Variants in MAML3 observed in about 807,000 individuals in gnomAD.
MAML3 encodes mastermind like transcriptional coactivator 3, also known as mastermind-like protein 3.
A neutral mutation model predicts 101.9 loss-of-function variants in MAML3; 27 were observed. The ratio of observed to expected loss-of-function variants is 0.27; its 90% CI spans 0.20 to 0.37. MAML3 has a LOEUF of 0.37. Among genes scored for constraint, MAML3 ranks in the 10% least tolerant of loss-of-function variants. The pLI, the probability that MAML3 is intolerant of heterozygous loss-of-function variation, is 1.00. For missense variants in MAML3, 1,316 were observed against 1,444.9 expected (o/e 0.91, Z 1.45); for synonymous variants, 501 against 555.9 (o/e 0.90, Z 1.39).
intron 1 of MAML3, among the ~76,000 whole-genome samples, chr4:139,948,196 CTA>C (rs1328888361): frequency 2.6e-5 from 4 of 152,068 alleles, no homozygotes; most frequent in African/African-American, 7.2e-5. Context: ...AAACAAAAGT[CTA>C]TGTGGAAAAA....
intron 2 of MAML3, among the ~76,000 whole-genome samples, chr4:139,750,990 C>T (rs891701076): frequency 6.6e-6 from 1 of 152,166 alleles, no homozygotes; most frequent in Non-Finnish European, 1.5e-5. Context: ...CAAGCTGCCT[C>T]CTGTGATTCA....
At chr4:139,797,576 C>T (rs768605780) in intron 2 of MAML3, among the ~76,000 whole-genome samples, 3 of 152,212 alleles carry the variant, frequency 2.0e-5, no homozygotes, top group East Asian at 1.9e-4. Flanking sequence ...GCCAGGGCAT[C>T]GCTGGCTGGC....
intron 2 of MAML3, among the ~76,000 whole-genome samples, chr4:139,752,905 CA>C (rs529153786): frequency 5.1e-4 from 77 of 152,240 alleles, no homozygotes; most frequent in East Asian, 1.9e-3. Flanking sequence ...GAAGAGCTAA[CA>C]GGGGGAAAGA....
chr4:139,734,195 T>G (rs1336519950), intron 2 of MAML3, among the ~76,000 whole-genome samples: 2 of 152,172 alleles, frequency 1.3e-5, no homozygotes, highest in Non-Finnish European at 2.9e-5. Flanking sequence ...TCTTTTAACC[T>G]CCAGTCTCAG....
chr4:139,927,306 T>C (rs997324776), intron 1 of MAML3, among the ~76,000 whole-genome samples: 5 of 152,196 alleles, frequency 3.3e-5, no homozygotes, highest in African/African-American at 1.2e-4. Flanking sequence ...GTACATCATA[T>C]AAAGGGGTTC....
intron 1 of MAML3, among the ~76,000 whole-genome samples, chr4:140,103,400 T>A (rs886946967): frequency 5.3e-5 from 8 of 152,168 alleles, no homozygotes; most frequent in East Asian, 1.9e-4. Context: ...AAAAGAACAA[T>A]AATTTAAAGT....
intron 2 of MAML3, among the ~76,000 whole-genome samples, chr4:139,834,074 T>G (rs891944794): frequency 2.6e-5 from 4 of 152,202 alleles, no homozygotes; most frequent in Non-Finnish European, 4.4e-5. Flanking sequence ...AAATCACTTA[T>G]GTAACTTTGT....
chr4:139,869,341 G>T (rs1731959083), intron 2 of MAML3, among the ~76,000 whole-genome samples: 1 of 150,260 alleles, frequency 6.7e-6, no homozygotes, highest in Non-Finnish European at 1.5e-5. Flanking sequence ...TGTTCTCAAG[G>T]ACCCAAGGAA....
chr4:139,863,045 G>C (rs1432303603), intron 2 of MAML3, among the ~76,000 whole-genome samples: 1 of 151,684 alleles, frequency 6.6e-6, no homozygotes, highest in Non-Finnish European at 1.5e-5. Flanking sequence ...AGCTACTCAG[G>C]AGGCTGAGGC....
rs1728922152 is a variant in MAML3 at position 139,735,887 on chromosome 4, G to A, written c.2080-5220C>T. The stretch of plus-strand genomic sequence containing the variant: ...CGGCGGCGCTCGGGAGACCCGCGAG[G>A]GGCCCTGGAGGTCCTCGGCCCGCGC... On this transcript the variant is annotated intron_variant, in intron 2 of 4. Transcript: ENST00000509479. The surrounding 1 kb of genome is among the most constrained non-coding windows in gnomAD (Gnocchi z 5.8). 1.3e-5 allele frequency among the ~76,000 whole-genome samples: 2 copies of A among 151,950 alleles called. No homozygotes were observed. Among genetic ancestry groups the A allele is most frequent in the Admixed American group, 1.3e-4 (2 of 15,262 alleles).
chr4:140,131,549 C>G (rs1245166636), intron 1 of MAML3, among the ~76,000 whole-genome samples: 2 of 152,216 alleles, frequency 1.3e-5, no homozygotes, highest in Non-Finnish European at 2.9e-5. Context: ...TACAAGCTAT[C>G]TCTAAGAAAA....
At chr4:139,901,113 T>C (rs981777401) in intron 1 of MAML3, among the ~76,000 whole-genome samples, 1 of 152,222 alleles carries the variant, frequency 6.6e-6, no homozygotes, top group Non-Finnish European at 1.5e-5. Flanking sequence ...GTCATGACGC[T>C]CTAAAGGGGA....
intron 2 of MAML3, among the ~76,000 whole-genome samples, chr4:139,791,550 T>C (rs1730414375): frequency 1.3e-5 from 2 of 150,602 alleles, no homozygotes; most frequent in African/African-American, 4.9e-5. Flanking sequence ...AAACTGTCAC[T>C]GACTTATAAG....
rs922945964 is a variant in MAML3, at chr4:140,084,077, A to C, written c.468+68783T>G. On this transcript the variant is annotated intron_variant, in intron 1 of 4. Transcript: ENST00000509479. ...CTCCCCAGTTCTGGTTATTTCTAGA[A>C]ATCTGAAATCTATAATATGTCACCA... Among the ~76,000 whole-genome samples the C allele has an allele frequency of 3.0e-4, 46 of 152,052 alleles. 2 individuals carry two copies. Among genetic ancestry groups the C allele is most frequent in the Non-Finnish European group, 4.4e-5 (3 of 68,018 alleles).
intron 1 of MAML3, among the ~76,000 whole-genome samples, chr4:139,966,736 T>C (rs1734138060): frequency 6.6e-6 from 1 of 152,218 alleles, no homozygotes; most frequent in Admixed American, 6.5e-5. Context: ...AGCATTATTT[T>C]AACAAATTTT....
chr4:139,979,338 C>G (rs947430536), intron 1 of MAML3, among the ~76,000 whole-genome samples: 3 of 152,160 alleles, frequency 2.0e-5, no homozygotes, highest in Non-Finnish European at 4.4e-5. Flanking sequence ...TTTAAACATG[C>G]CTTCTCACAT....
chr4:139,756,941 T>C (rs2111048721), intron 2 of MAML3, among the ~76,000 whole-genome samples: 1 of 152,280 alleles, frequency 6.6e-6, no homozygotes, highest in African/African-American at 2.4e-5. Context: ...TACAGCAGCT[T>C]GGAAGCGCAT....
intron 2 of MAML3, among the ~76,000 whole-genome samples, chr4:139,846,102 G>A (rs1383361334): frequency 6.6e-6 from 1 of 152,152 alleles, no homozygotes; most frequent in African/African-American, 2.4e-5. Flanking sequence ...CGGCTTATGA[G>A]TGGCTTTTTA....
Position 140,152,733 on chromosome 4 carries a change from G to A in MAML3, c.468+127C>T, listed in dbSNP as rs932019927. The A allele has an allele frequency of 7.6e-6, 11 of 1,443,446 alleles. No individual in the cohort carries two copies. The Admixed American group carries it at 2.1e-4, about 28-fold the overall frequency. The allele number at this position is 1,443,446 out of a possible 1,614,324, so 89.4% of individuals were successfully genotyped here. A position where few individuals can be genotyped will look rare whatever the true frequency, so the allele number is the denominator to read the frequency against. Reference sequence around the variant, plus strand: ...AAGAAAAGTTGACGTTAACCCTTAGGCTTCAGCCCACCTCACCCACCGTGC... The same window carrying A: ...AAGAAAAGTTGACGTTAACCCTTAGACTTCAGCCCACCTCACCCACCGTGC... On this transcript the variant is annotated intron_variant, in intron 1 of 4. Coordinates refer to ENST00000509479, the MANE Select transcript of MAML3 (RefSeq NM_018717.5).
Sources: gnomAD v4.1 joint callset for allele counts (sites outside exome capture counted in the v4.1 genomes callset) on GRCh38, gnomAD v4.1.1 for gene constraint, Gnocchi (gnomAD v3.1) non-coding constraint, MANE v1.5 for transcripts, NCBI Gene and HGNC (gene_info 2026-07-23, HGNC 2026-07-21) for gene names.